ADAM9: variants seen among roughly 807,000 people sequenced by gnomAD.
The protein encoded by ADAM9 is ADAM metallopeptidase domain 9.
A neutral mutation model predicts 108.1 loss-of-function variants in ADAM9; 54 were observed. The observed-to-expected ratio is 0.50, with a 90% CI of 0.40 to 0.63. The LOEUF (loss-of-function observed/expected upper bound fraction) is 0.63. Ranked by LOEUF, ADAM9 falls within the 20% of genes least tolerant of loss-of-function variation. The pLI is 0.00. For missense variants in ADAM9, 830 were observed against 997.7 expected (o/e 0.83, Z 2.26); for synonymous variants, 316 against 336.0 (o/e 0.94, Z 0.65).
intron 1 of ADAM9, among the ~76,000 whole-genome samples, chr8:38,998,375 C>G (rs971242789): frequency 6.7e-6 from 1 of 149,802 alleles, no homozygotes; most frequent in Non-Finnish European, 1.5e-5. Context: ...GATTATACAT[C>G]CGGAGTTTTA....
At chr8:39,101,497 G>T (rs1839692472) in intron 20 of ADAM9, among the ~76,000 whole-genome samples, 1 of 152,200 alleles carries the variant, frequency 6.6e-6, no homozygotes, top group Non-Finnish European at 1.5e-5. Context: ...CACATGAGGG[G>T]CTGAGAGAGT....
At chr8:39,028,873 A>G (rs2129434710) in intron 11 of ADAM9, among the ~76,000 whole-genome samples, 1 of 152,286 alleles carries the variant, frequency 6.6e-6, no homozygotes, top group South Asian at 2.1e-4. Context: ...TGGTGAAACA[A>G]CAGAACAGGC....
rs1378506446 is a variant in ADAM9, at chr8:39,016,199, G to A, written c.410+5G>A. ...TAGCGACTGTTTTGGACTCAGGTAA[G>A]CAATTTCCTTTATCTTCTTTTTTTT... On this transcript the variant is annotated splice_donor_5th_base_variant and intron_variant, in intron 5 of 21. Transcript: ENST00000487273. 1 of 1,611,662 alleles carries A rather than the reference G, an allele frequency of 6.2e-7. No individual in the cohort carries two copies. Among genetic ancestry groups the A allele is most frequent in the Non-Finnish European group, 8.5e-7 (1 of 1,177,968 alleles).
At chr8:39,072,719 T>A (rs535303153) in intron 15 of ADAM9, among the ~76,000 whole-genome samples, 2 of 152,228 alleles carry the variant, frequency 1.3e-5, no homozygotes, top group Non-Finnish European at 2.9e-5. Context: ...AGGTGAAGTG[T>A]GGTTTCCTTA....
chr8:39,043,493 T>A (rs1414102602), intron 12 of ADAM9, among the ~76,000 whole-genome samples: 1 of 152,194 alleles, frequency 6.6e-6, no homozygotes, highest in Non-Finnish European at 1.5e-5. Flanking sequence ...TTATATTTCA[T>A]TGTGATTTTG....
chr8:39,030,950 T>A (rs2129434946), intron 11 of ADAM9, among the ~76,000 whole-genome samples: 2 of 152,364 alleles, frequency 1.3e-5, no homozygotes, highest in East Asian at 3.9e-4. Flanking sequence ...TTTTTTAGTT[T>A]TAAGAGTTGC....
chr8:39,018,130 G>A (rs13268394), intron 6 of ADAM9, among the ~76,000 whole-genome samples: 35,732 of 152,060 alleles, frequency 0.23, 4,501 homozygotes, highest in South Asian at 0.31. Flanking sequence ...AATGGTTCTA[G>A]GACTAGATCA....
At chr8:39,081,667 A>G (rs1839028529) in intron 16 of ADAM9, among the ~76,000 whole-genome samples, 1 of 152,160 alleles carries the variant, frequency 6.6e-6, no homozygotes, top group Non-Finnish European at 1.5e-5. Context: ...GTGTTTGGAG[A>G]TCTTTTGACT....
chr8:39,086,796 A>C, intron 18 of ADAM9, among the ~76,000 whole-genome samples: 1 of 152,166 alleles, frequency 6.6e-6, no homozygotes, highest in South Asian at 2.1e-4. Context: ...TCTTGCTTTT[A>C]AGCTTTTAAG....
chr8:39,085,626 G>A (rs1375790419), intron 18 of ADAM9, among the ~76,000 whole-genome samples: 2 of 152,028 alleles, frequency 1.3e-5, no homozygotes, highest in East Asian at 1.9e-4. Flanking sequence ...TTTTCCTCCC[G>A]TTTTACTTCT....
intron 1 of ADAM9, among the ~76,000 whole-genome samples, chr8:38,998,840 A>C (rs1835908445): frequency 6.6e-6 from 1 of 152,122 alleles, no homozygotes; most frequent in Non-Finnish European, 1.5e-5. Context: ...CAGACTATAA[A>C]AGGGAGGGAT....
At chr8:39,019,592 T>A (rs544231276) in intron 7 of ADAM9, among the ~76,000 whole-genome samples, 2 of 152,218 alleles carry the variant, frequency 1.3e-5, no homozygotes, top group Admixed American at 6.5e-5. Context: ...AGGTGAGTAT[T>A]TGTTACAACA....
intron 14 of ADAM9, among the ~76,000 whole-genome samples, chr8:39,059,261 G>T (rs1339261004): frequency 6.6e-6 from 1 of 152,234 alleles, no homozygotes; most frequent in African/African-American, 2.4e-5. Flanking sequence ...GAGTACGTGT[G>T]TCTGTCCCAG....
Position 39,104,805 on chromosome 8 carries a change from A to G in ADAM9, c.*1105A>G. On this transcript the variant is annotated 3_prime_UTR_variant, in exon 22 of 22. Coordinates refer to ENST00000487273, the MANE Select transcript of ADAM9 (RefSeq NM_003816.3). ...AGTTATCATCTTAGCTGTGTTAAAAATGAATTTTTACTATGGCAGATATGG... is the reference window on the plus strand; with the variant it reads ...AGTTATCATCTTAGCTGTGTTAAAAGTGAATTTTTACTATGGCAGATATGG... 2.2e-6 allele frequency: 1 copy of G among 453,838 alleles called. No homozygotes were observed. Among genetic ancestry groups the G allele is most frequent in the Non-Finnish European group, 4.4e-6 (1 of 226,624 alleles). 28.1% of individuals were successfully genotyped at this position (453,838 alleles called of 1,614,324 possible).
At chr8:39,054,851 T>G (rs1234393117) in intron 13 of ADAM9, among the ~76,000 whole-genome samples, 1 of 152,140 alleles carries the variant, frequency 6.6e-6, no homozygotes, top group Non-Finnish European at 1.5e-5. Context: ...CCATAGAAAG[T>G]AGAGAATGAA....
At chr8:39,068,022 G>A (rs1483571377) in intron 14 of ADAM9, among the ~76,000 whole-genome samples, 2 of 152,102 alleles carry the variant, frequency 1.3e-5, no homozygotes, top group Non-Finnish European at 2.9e-5. Context: ...TTTGTCTTTG[G>A]TTCCGTTTAT....
Position 39,077,533 on chromosome 8 carries a change from GA to G in ADAM9, c.1881+126del. The G allele has an allele frequency of 3.0e-6, 3 of 1,009,020 alleles. No individual in the cohort carries two copies. In the South Asian group the frequency reaches 5.7e-5, roughly 19 times the overall value. The allele number at this position is 1,009,020 out of a possible 1,614,324, so 62.5% of individuals were successfully genotyped here. On this transcript the variant is annotated intron_variant, in intron 16 of 21. Transcript: ENST00000487273. ...ATCTAAATTCATTATAGAAATTTTA[GA>G]AAATACAAAGCCACCAAAAGAAAAT... is the stretch of plus-strand genomic sequence containing the variant.
At chr8:39,007,797 T>C in intron 1 of ADAM9, 89 bp from the exon 2 acceptor site, 1 of 892,032 alleles carries the variant, frequency 1.1e-6, no homozygotes, top group Non-Finnish European at 1.8e-6. Flanking sequence ...GATTTTTCTG[T>C]GATTTGAACA....
chr8:39,031,088 T>C (rs1837081401), intron 11 of ADAM9, among the ~76,000 whole-genome samples: 1 of 152,242 alleles, frequency 6.6e-6, no homozygotes, highest in Non-Finnish European at 1.5e-5. Context: ...ATTTTAATTC[T>C]TTCATGGACG....
Sources: gnomAD v4.1 joint callset for allele counts (sites outside exome capture counted in the v4.1 genomes callset) on GRCh38, gnomAD v4.1.1 for gene constraint, MANE v1.5 for transcripts, NCBI Gene and HGNC (gene_info 2026-07-23, HGNC 2026-07-21) for gene names.